Variants in SMIM35 observed in about 807,000 individuals in gnomAD.
The protein encoded by SMIM35 is small integral membrane protein 35.
At chr11:118,081,235 T>C (rs1287679166) in intron 1 of SMIM35, among the ~76,000 whole-genome samples, 1 of 152,194 alleles carries the variant, frequency 6.6e-6, no homozygotes, top group Non-Finnish European at 1.5e-5. Context: ...ATACCAGATC[T>C]ATCTGAGGGG....
At chr11:118,020,272 C>G (rs937940330) in intron 1 of SMIM35, among the ~76,000 whole-genome samples, 3 of 152,074 alleles carry the variant, frequency 2.0e-5, no homozygotes, top group African/African-American at 7.2e-5. Context: ...TCATAACTAA[C>G]TGACTAAATA....
At chr11:118,033,464 T>A (rs779269365) in intron 1 of SMIM35, among the ~76,000 whole-genome samples, 2 of 152,200 alleles carry the variant, frequency 1.3e-5, no homozygotes, top group Non-Finnish European at 2.9e-5. Flanking sequence ...CTGTGTATTT[T>A]TTTTCCTATT....
chr11:118,085,095 T>C (rs10750123), intron 1 of SMIM35, among the ~76,000 whole-genome samples: 53,466 of 152,082 alleles, frequency 0.35, 9,910 homozygotes, highest in South Asian at 0.52. Flanking sequence ...CCTTACAGAA[T>C]CTTTCTCCCC....
At position 118,049,339 on chromosome 11, in the gene SMIM35, A is replaced by ATT. The variant is rs398017739; in HGVS notation, c.8-33532_8-33531dup. Among the ~76,000 whole-genome samples the ATT allele has an allele frequency of 6.4e-3, 536 of 84,010 alleles. 44 individuals carry two copies. Among genetic ancestry groups the ATT allele is most frequent in the African/African-American group, 0.02 (408 of 20,048 alleles). The allele number at this position is 84,010 out of a possible 152,430, so 55.1% of individuals were successfully genotyped here. ...TTCTCGCATGTTTGTTCCACCCTTA[A>ATT]TTTTTTTTTTTTTTTTTTTTTTTTT... On this transcript the variant is annotated intron_variant, in intron 1 of 4. Transcript: ENST00000689828.
rs548981965 is a variant in SMIM35, at chr11:118,043,442, T to C, written c.8-27633A>G. Among the ~76,000 whole-genome samples, 4 of 152,182 alleles carry C rather than the reference T, an allele frequency of 2.6e-5. No individual in the cohort carries two copies. In the East Asian group the frequency reaches 7.7e-4, roughly 29 times the overall value. On this transcript the variant is annotated intron_variant, in intron 1 of 4. Coordinates refer to ENST00000689828, the MANE Select transcript of SMIM35 (RefSeq NM_001394165.1). Reference sequence around the variant, plus strand: ...CATTATGCTAAGTGAAAAAAGCCAGTCACAGAAGTCCACATATTATATGAT... The same window carrying C: ...CATTATGCTAAGTGAAAAAAGCCAGCCACAGAAGTCCACATATTATATGAT...
intron 1 of SMIM35, among the ~76,000 whole-genome samples, chr11:118,041,943 C>T (rs752651010): frequency 8.6e-5 from 13 of 151,002 alleles, no homozygotes; most frequent in Non-Finnish European, 1.5e-4. Context: ...CCTAGCTACT[C>T]GGGAGGCTGA....
chr11:118,086,624 G>C (rs1044033421), intron 1 of SMIM35, 127 bp downstream of exon 1: 1 of 152,814 alleles, frequency 6.5e-6, no homozygotes, highest in Non-Finnish European at 1.5e-5. Flanking sequence ...AAGTCGGCAT[G>C]ATCAGTCATC....
chr11:118,074,681 A>AGG (rs1944626334), intron 1 of SMIM35, among the ~76,000 whole-genome samples: 1 of 149,222 alleles, frequency 6.7e-6, no homozygotes, highest in Admixed American at 6.7e-5. Flanking sequence ...CAGGAGGTGG[A>AGG]GGTTACAGTG....
chr11:118,037,819 G>T (rs188953466), intron 1 of SMIM35, among the ~76,000 whole-genome samples: 14 of 152,308 alleles, frequency 9.2e-5, no homozygotes, highest in Admixed American at 7.2e-4. Flanking sequence ...AAGGAAGAAT[G>T]GGTACTCTTT....
chr11:118,059,333 C>A (rs1267305839), intron 1 of SMIM35: 1 of 152,332 alleles, frequency 6.6e-6, no homozygotes, highest in Non-Finnish European at 1.5e-5. Flanking sequence ...GGGGTGGGGG[C>A]AGTTCTCAGT....
chr11:118,026,975 G>T (rs1349304480), intron 1 of SMIM35, among the ~76,000 whole-genome samples: 1 of 150,242 alleles, frequency 6.7e-6, no homozygotes, highest in Non-Finnish European at 1.5e-5. Flanking sequence ...TCTCCAACAG[G>T]CTGTCAGCTA....
At chr11:118,049,319 G>A (rs899563806) in intron 1 of SMIM35, among the ~76,000 whole-genome samples, 14 of 149,292 alleles carry the variant, frequency 9.4e-5, no homozygotes, top group Non-Finnish European at 1.3e-4. Context: ...TGCAATTCTC[G>A]CATGTTTGTT....
At chr11:118,035,932 G>C (rs1013768561) in intron 1 of SMIM35, among the ~76,000 whole-genome samples, 17 of 152,182 alleles carry the variant, frequency 1.1e-4, no homozygotes, top group African/African-American at 3.9e-4. Context: ...CTATCGCCCA[G>C]GCTGGAGTGC....
chr11:118,043,141 G>A (rs1168621112), intron 1 of SMIM35, among the ~76,000 whole-genome samples: 2 of 152,180 alleles, frequency 1.3e-5, no homozygotes, highest in African/African-American at 2.4e-5. Flanking sequence ...GGAGGTTCTA[G>A]CCAGGGAAAT....
intron 1 of SMIM35, among the ~76,000 whole-genome samples, chr11:118,020,763 A>T (rs527836477): frequency 2.7e-5 from 4 of 150,410 alleles, no homozygotes; most frequent in Admixed American, 2.6e-4. Flanking sequence ...TATTGTCCGC[A>T]AATAAAGGCC....
chr11:118,073,523 C>G (rs1005490122), intron 1 of SMIM35, among the ~76,000 whole-genome samples: 1 of 152,172 alleles, frequency 6.6e-6, no homozygotes, highest in Admixed American at 6.5e-5. Flanking sequence ...ACATCCAGAT[C>G]AAGTCCCCGG....
rs374505092 is a variant in SMIM35, at chr11:118,015,191, T to C, written c.125-450A>G. Among the ~76,000 whole-genome samples the C allele has an allele frequency of 8.6e-4, 131 of 152,334 alleles. 2 individuals are homozygous for C. The South Asian group carries it at 0.027, about 31-fold the overall frequency. On this transcript the variant is annotated intron_variant, in intron 2 of 4. Coordinates refer to ENST00000689828, the MANE Select transcript of SMIM35 (RefSeq NM_001394165.1). ...GGAAATAGTTTCTACCCCTTGGCATTCCAGCACACCCTTCCAGTTTTCCCA... is the reference window on the plus strand; with the variant it reads ...GGAAATAGTTTCTACCCCTTGGCATCCCAGCACACCCTTCCAGTTTTCCCA...
chr11:118,086,375 A>G (rs1055663247), intron 1 of SMIM35, among the ~76,000 whole-genome samples: 6 of 152,256 alleles, frequency 3.9e-5, no homozygotes, highest in African/African-American at 1.4e-4. Context: ...CAAATTGCCA[A>G]TAGGTCAGCA....
At position 118,013,757 on chromosome 11, in the gene SMIM35, G is replaced by A. The variant is rs377176545; in HGVS notation, c.*24C>T. The A allele has an allele frequency of 2.5e-6, 1 of 399,108 alleles. No homozygotes were observed. Among genetic ancestry groups the A allele is most frequent in the East Asian group, 3.6e-5 (1 of 28,098 alleles). 24.7% of individuals were successfully genotyped at this position (399,108 alleles called of 1,614,324 possible). A position where few individuals can be genotyped will look rare whatever the true frequency, so the allele number is the denominator to read the frequency against. ...CCCAACTCCAACTCACCTCCCCAGG[G>A]CTTCACAAGTTGCTGTCTCTGCATC... On this transcript the variant is annotated 3_prime_UTR_variant, in exon 4 of 5. Transcript: ENST00000689828.
Sources: allele counts gnomAD v4.1 joint callset (sites outside exome capture counted in the v4.1 genomes callset), GRCh38; gene constraint gnomAD v4.1.1; transcripts MANE v1.5; gene names NCBI Gene and HGNC (gene_info 2026-07-23, HGNC 2026-07-21).